The following CYP39A1 variants were observed in gnomAD, a reference collection of about 807,000 sequenced individuals.
CYP39A1 encodes the protein cytochrome P450 family 39 subfamily A member 1.
A neutral mutation model predicts 58.1 loss-of-function variants in CYP39A1; 49 were observed. The observed-to-expected ratio is 0.84, with a 90% CI of 0.67 to 1.07. The LOEUF (loss-of-function observed/expected upper bound fraction) is 1.07, where lower values mean the gene tolerates loss of function less well. CYP39A1 is among the 50% of genes least tolerant of loss of function. The pLI, the probability that CYP39A1 is intolerant of heterozygous loss-of-function variation, is 0.00. For synonymous variants in CYP39A1, 209 were observed against 187.6 expected (o/e 1.11, Z -0.93); for missense variants, 531 against 539.4 (o/e 0.98, Z 0.16).
chr6:46,615,412 A>G (rs1376083355), intron 7 of CYP39A1, among the ~76,000 whole-genome samples: 1 of 152,042 alleles, frequency 6.6e-6, no homozygotes, highest in Non-Finnish European at 1.5e-5. Flanking sequence ...TAAAGACTCT[A>G]TAAAAGCAGA....
At chr6:46,601,159 C>T (rs1488853738) in intron 7 of CYP39A1, among the ~76,000 whole-genome samples, 2 of 152,144 alleles carry the variant, frequency 1.3e-5, no homozygotes, top group African/African-American at 4.8e-5. Flanking sequence ...AACAGTTTTC[C>T]TTTGTCCTTC....
intron 11 of CYP39A1, among the ~76,000 whole-genome samples, chr6:46,550,944 T>G (rs1367242268): frequency 6.6e-6 from 1 of 152,154 alleles, no homozygotes; most frequent in Non-Finnish European, 1.5e-5. Flanking sequence ...AGATACTTTG[T>G]AGGCTCCAAA....
chr6:46,589,952 A>G (rs1772729980), intron 8 of CYP39A1, among the ~76,000 whole-genome samples: 1 of 152,144 alleles, frequency 6.6e-6, no homozygotes, highest in African/African-American at 2.4e-5. Flanking sequence ...AGAACTTCAT[A>G]CAGGTCCTCA....
At chr6:46,630,352 T>C (rs1775578928) in intron 6 of CYP39A1, among the ~76,000 whole-genome samples, 1 of 152,108 alleles carries the variant, frequency 6.6e-6, no homozygotes, top group Non-Finnish European at 1.5e-5. Context: ...CATAACAACT[T>C]TGTAGAGAAA....
At chr6:46,574,154 C>T (rs1006116044) in intron 10 of CYP39A1, among the ~76,000 whole-genome samples, 1 of 152,160 alleles carries the variant, frequency 6.6e-6, no homozygotes, top group Admixed American at 6.6e-5. Flanking sequence ...TCAGCTTCAG[C>T]ATAATATTGT....
chr6:46,592,970 C>CA (rs1315644732), intron 8 of CYP39A1, among the ~76,000 whole-genome samples: 2 of 152,002 alleles, frequency 1.3e-5, no homozygotes, highest in African/African-American at 4.8e-5. Flanking sequence ...TTAACATAAC[C>CA]ACAAAGTAAA....
intron 7 of CYP39A1, 44 bp from the exon 8 acceptor site, chr6:46,596,164 C>A: frequency 6.7e-7 from 1 of 1,494,452 alleles, no homozygotes; most frequent in Non-Finnish European, 9.1e-7. Context: ...CTACAGAGGT[C>A]AGAAAGTGAT....
intron 2 of CYP39A1, among the ~76,000 whole-genome samples, chr6:46,641,899 A>G (rs1382372274): frequency 2.6e-5 from 4 of 152,212 alleles, no homozygotes; most frequent in African/African-American, 7.2e-5. Context: ...GATTCCAAAT[A>G]TTCTCTAAAG....
intron 10 of CYP39A1, among the ~76,000 whole-genome samples, chr6:46,556,699 C>A (rs993954122): frequency 5.3e-5 from 8 of 152,118 alleles, no homozygotes; most frequent in African/African-American, 1.9e-4. Context: ...CTGGATTTAC[C>A]TTACTGAAGC....
intron 10 of CYP39A1, among the ~76,000 whole-genome samples, chr6:46,557,269 A>G (rs1361726758): frequency 6.6e-6 from 1 of 151,958 alleles, no homozygotes; most frequent in African/African-American, 2.4e-5. Context: ...TATTTTGAGA[A>G]GTAATAGTGA....
chr6:46,564,440 C>T (rs530659976), intron 10 of CYP39A1, among the ~76,000 whole-genome samples: 1 of 152,050 alleles, frequency 6.6e-6, no homozygotes, highest in Non-Finnish European at 1.5e-5. Flanking sequence ...AAGTGATCCG[C>T]CCATCTCAAC....
intron 7 of CYP39A1, among the ~76,000 whole-genome samples, chr6:46,601,668 T>G (rs891044999): frequency 8.6e-6 from 1 of 116,384 alleles, no homozygotes; most frequent in Non-Finnish European, 1.7e-5. Context: ...AGGTTACCTA[T>G]TATTATTATT....
At position 46,558,453 on chromosome 6, in the gene CYP39A1, A is replaced by C. The variant is rs993412516; in HGVS notation, c.1251-4599T>G. Among the ~76,000 whole-genome samples the C allele has an allele frequency of 5.8e-4, 88 of 152,092 alleles. 1 individual carries two copies. The highest frequency in any genetic ancestry group is 2.8e-4 in the Non-Finnish European group (19 of 68,016). On this transcript the variant is annotated intron_variant, in intron 10 of 11. Coordinates refer to ENST00000275016, the MANE Select transcript of CYP39A1 (RefSeq NM_016593.5). ...ACACCATCATATCTCGTGAGAACTC[A>C]TTCACTATCACGAACATCAAGGGGG...
At chr6:46,633,856 C>G (rs918027175) in intron 5 of CYP39A1, among the ~76,000 whole-genome samples, 11 of 150,322 alleles carry the variant, frequency 7.3e-5, no homozygotes, top group African/African-American at 1.7e-4. Context: ...GACTCCATCT[C>G]AAAAAAGAAA....
intron 8 of CYP39A1, among the ~76,000 whole-genome samples, chr6:46,595,709 T>C (rs1773106721): frequency 6.6e-6 from 1 of 152,038 alleles, no homozygotes; most frequent in South Asian, 2.1e-4. Flanking sequence ...AGTAATGACA[T>C]ATTGTTTTCC....
intron 6 of CYP39A1, among the ~76,000 whole-genome samples, chr6:46,627,406 T>C (rs71566583): frequency 8.4e-6 from 1 of 119,422 alleles, no homozygotes; most frequent in Admixed American, 1.0e-4. Context: ...CAAATGGCTG[T>C]TACTTTTATT....
chr6:46,550,378 T>C lies in CYP39A1; in HGVS notation c.1398A>G (p.Lys466=). 1.2e-6 allele frequency: 2 copies of C among 1,612,986 alleles called. No individual in the cohort carries two copies. The highest frequency in any genetic ancestry group is 2.2e-5 in the South Asian group (2 of 90,774). ...QPEGQCRIEY[K]QRI ...GGCCCAACAGATGTCATATTCTTTG[T>C]TTATATTCAATTCGGCATTGCCCTT... Residue 466 remains lysine, a synonymous_variant, in exon 12 of 12, where the codon AAA becomes AAG. Coordinates refer to ENST00000275016, the MANE Select transcript of CYP39A1 (RefSeq NM_016593.5).
At chr6:46,616,233 TCCCTC>T (rs1774588881) in intron 7 of CYP39A1, among the ~76,000 whole-genome samples, 1 of 45,366 alleles carries the variant, frequency 2.2e-5, no homozygotes, top group African/African-American at 1.0e-4. Context: ...CCTCCCTCCC[TCCCTC>T]CCTCCCTTCC....
At chr6:46,575,878 A>G (rs1200859380) in intron 10 of CYP39A1, among the ~76,000 whole-genome samples, 5 of 152,156 alleles carry the variant, frequency 3.3e-5, no homozygotes, top group Admixed American at 3.3e-4. Flanking sequence ...AACTTATACC[A>G]CAGCCAAATC....
Sources: allele counts gnomAD v4.1 joint callset (sites outside exome capture counted in the v4.1 genomes callset), GRCh38; gene constraint gnomAD v4.1.1; transcripts MANE v1.5; gene names NCBI Gene and HGNC (gene_info 2026-07-23, HGNC 2026-07-21).